ICE1: variants seen among roughly 807,000 people sequenced by gnomAD.
ICE1 encodes interactor of little elongation complex ELL subunit 1, also known as little elongation complex subunit 1.
ICE1 carries 64 observed loss-of-function variants against 192.7 expected under a neutral mutation model. The observed-to-expected ratio is 0.33, with a 90% confidence interval of 0.27 to 0.41. ICE1 has a LOEUF of 0.41. Ranked by LOEUF, ICE1 falls within the 10% of genes least tolerant of loss-of-function variation. ICE1 has a pLI of 1.00. For synonymous variants in ICE1, 1,010 were observed against 984.5 expected (o/e 1.03, Z -0.49); for missense variants, 2,708 against 2,696.0 (o/e 1.00, Z -0.10).
intron 14 of ICE1, 43 bp from the exon 15 acceptor site, chr5:5,468,785 G>T (rs765756603): frequency 3.4e-6 from 4 of 1,192,988 alleles, no homozygotes; most frequent in Admixed American, 3.1e-5. Flanking sequence ...TTATTTACTC[G>T]ATCATACATC....
intron 4 of ICE1, 89 bp from the exon 5 acceptor site, chr5:5,441,023 T>C: frequency 1.3e-6 from 1 of 780,598 alleles, no homozygotes; most frequent in Non-Finnish European, 2.0e-6. Context: ...TTGTTCCAAG[T>C]TAGCAATAAA....
In ICE1 at chr5:5,462,508, T is replaced by C. The variant is rs1738827236; in HGVS notation, c.3174T>C (p.Gly1058=). The part of the protein sequence containing the change: ...LWKLKSTTPG[G]ALPECFGTTD... ...AATTGAAATCTACAACTCCCGGTGG[T>C]GCTTTGCCTGAGTGTTTTGGCACCA... Residue 1058 remains glycine, a synonymous_variant, in exon 13 of 19, where the codon GGT becomes GGC. Coordinates refer to ENST00000296564, the MANE Select transcript of ICE1 (RefSeq NM_015325.3). 20 of 1,614,044 alleles carry C rather than the reference T, an allele frequency of 1.2e-5. No homozygotes were observed. In the East Asian group the frequency reaches 4.2e-4, roughly 34 times the overall value.
chr5:5,469,754 A>G (rs1282921735), intron 15 of ICE1, among the ~76,000 whole-genome samples: 1 of 152,182 alleles, frequency 6.6e-6, no homozygotes. Context: ...ACGTAAAGGA[A>G]AGAGCTTTTG....
Position 5,464,256 on chromosome 5 carries a change from C to T in ICE1, c.4922C>T (p.Ala1641Val). The T allele has an allele frequency of 6.2e-7, 1 of 1,613,620 alleles. No homozygotes were observed. The highest frequency in any genetic ancestry group is 8.5e-7 in the Non-Finnish European group (1 of 1,179,812). ...PLPPLLAPLI[A>V]TPPRTSQPLS... Reference sequence around the variant, plus strand: ...CCGCCTCTGCTTGCTCCTCTGATAGCTACACCTCCAAGGACTTCACAGCCA... The same window carrying T: ...CCGCCTCTGCTTGCTCCTCTGATAGTTACACCTCCAAGGACTTCACAGCCA... Residue 1641 changes from alanine to valine, a missense_variant, in exon 13 of 19, where the codon GCT (alanine) becomes GTT (valine). Ala to Val is a moderately conservative substitution (Grantham distance 64). This residue lies in a region of ICE1 where 2,366 missense variants were observed against 2,276.6 expected (regional missense o/e 1.04). Coordinates refer to ENST00000296564, the MANE Select transcript of ICE1 (RefSeq NM_015325.3). This position sits in a 1 kb window ranked among gnomAD's most constrained non-coding sequence, Gnocchi z 4.0.
chr5:5,433,185 T>C (rs1331249629), intron 1 of ICE1, among the ~76,000 whole-genome samples: 1 of 152,162 alleles, frequency 6.6e-6, no homozygotes, highest in Admixed American at 6.5e-5. Flanking sequence ...GCTTTTGACA[T>C]AGTACACCTG....
In ICE1 at chr5:5,464,892, G is replaced by A. The variant is rs1227116768; in HGVS notation, c.5558G>A (p.Gly1853Glu). The change falls in exon 13 of 19, where the codon GGG (glycine) becomes GAG (glutamate). Residue 1853 changes from glycine to glutamate, a missense_variant. By Grantham distance (98) the Gly-to-Glu change is moderately conservative. Around this residue, in one of 2 missense-constraint regions of ICE1, gnomAD observed 2,366 missense variants for 2,276.6 expected, o/e 1.04. Coordinates refer to ENST00000296564, the MANE Select transcript of ICE1 (RefSeq NM_015325.3). The surrounding 1 kb of genome is among the most constrained non-coding windows in gnomAD (Gnocchi z 4.0). The part of the protein sequence containing the change: ...RSAKRLRLDT[G>E]SPEPETRGVT... ...GCTAAAAGACTGCGCCTGGACACTG[G>A]GTCCCCAGAACCAGAAACCAGGGGA... 6.2e-7 allele frequency: 1 copy of A among 1,613,236 alleles called. No homozygotes were observed. The highest frequency in any genetic ancestry group is 1.7e-5 in the Admixed American group (1 of 59,938).
chr5:5,466,356 A>G lies in ICE1; in HGVS notation c.5915A>G (p.His1972Arg). The change falls in exon 14 of 19, where the codon CAC becomes CGC. Residue 1972 changes from histidine to arginine, a missense_variant. Transcript: ENST00000296564. ...CAGCATTTAGCAGAGTGCTTGCTTC[A>G]CTCTATTCTCTCAGAACTAAAAATT... is the stretch of plus-strand genomic sequence containing the variant. ...TKKHLAECLLHSILSELKIQK... is the reference protein window; with the variant it reads ...TKKHLAECLLRSILSELKIQK... 6.2e-7 allele frequency: 1 copy of G among 1,609,314 alleles called. No homozygotes were observed. The highest frequency in any genetic ancestry group is 8.5e-7 in the Non-Finnish European group (1 of 1,178,312).
intron 12 of ICE1, among the ~76,000 whole-genome samples, chr5:5,460,194 G>A (rs1738725106): frequency 6.6e-6 from 1 of 151,732 alleles, no homozygotes. Flanking sequence ...TTGGAAGCAT[G>A]TCTGTTATTG....
At chr5:5,482,082 A>G (rs1003664836) in intron 17 of ICE1, among the ~76,000 whole-genome samples, 2 of 152,258 alleles carry the variant, frequency 1.3e-5, no homozygotes, top group African/African-American at 4.8e-5. Context: ...ACTTTCAAAT[A>G]TGTACCTTAA....
In ICE1 at chr5:5,463,946, G is replaced by A; in HGVS notation, c.4612G>A (p.Asp1538Asn). ...CTTCGAGACTCAGATTGTTGCGTCT[G>A]ATCACACATATTATAACTCAAAACT... is the stretch of plus-strand genomic sequence containing the variant. ...QNFETQIVASDHTYYNSKLEP... is the reference protein window; with the variant it reads ...QNFETQIVASNHTYYNSKLEP... Residue 1538 changes from aspartate (D) to asparagine (N), a missense_variant, in exon 13 of 19, where the codon GAT (aspartate) becomes AAT (asparagine). Asp to Asn is a conservative substitution (Grantham distance 23). This residue lies in a region of ICE1 where 2,366 missense variants were observed against 2,276.6 expected (regional missense o/e 1.04). Transcript: ENST00000296564. 1 of 1,613,906 alleles carries A rather than the reference G, an allele frequency of 6.2e-7. No individual in the cohort carries two copies. The highest frequency in any genetic ancestry group is 1.7e-5 in the Admixed American group (1 of 60,014).
In ICE1 at chr5:5,422,914, C is replaced by T. The variant is rs1309989695; in HGVS notation, c.-2C>T. 2.1e-6 allele frequency: 3 copies of T among 1,404,308 alleles called. No homozygotes were observed. The highest frequency in any genetic ancestry group is 3.0e-5 in the South Asian group (2 of 66,468). 87.0% of individuals were successfully genotyped at this position (1,404,308 alleles called of 1,614,324 possible). A position where few individuals can be genotyped will look rare whatever the true frequency, so the allele number is the denominator to read the frequency against. On this transcript the variant is annotated 5_prime_UTR_variant, in exon 1 of 19. Coordinates refer to ENST00000296564, the MANE Select transcript of ICE1 (RefSeq NM_015325.3). ...GTGCCCACCGGGCCCGGCGGCGGCA[C>T]CATGATGCCGGGCGAGACCCATTCG...
Position 5,476,063 on chromosome 5 carries a change from A to G in ICE1, c.6504A>G (p.Ser2168=). The change falls in exon 17 of 19, where the codon TCA becomes TCG. Residue 2168 remains serine (S), a synonymous_variant. Coordinates refer to ENST00000296564, the MANE Select transcript of ICE1 (RefSeq NM_015325.3). ...IAYTPDIIIA[S]ILRLIGRLGQ... ...ATACTCCTGATATTATTATAGCCTC[A>G]ATACTGAGGCTGATTGGTAAGTTGT... is the stretch of plus-strand genomic sequence containing the variant. 1 of 1,583,200 alleles carries G rather than the reference A, an allele frequency of 6.3e-7. No homozygotes were observed. The highest frequency in any genetic ancestry group is 8.6e-7 in the Non-Finnish European group (1 of 1,161,858).
intron 5 of ICE1, among the ~76,000 whole-genome samples, chr5:5,442,286 G>A (rs137859528): frequency 6.6e-6 from 1 of 152,302 alleles, no homozygotes; most frequent in African/African-American, 2.4e-5. Flanking sequence ...GCTTCTCACG[G>A]TAGTGTTTGT....
intron 1 of ICE1, among the ~76,000 whole-genome samples, chr5:5,426,597 A>G (rs1318938053): frequency 6.6e-6 from 1 of 152,198 alleles, no homozygotes; most frequent in Non-Finnish European, 1.5e-5. Context: ...ACGGAAAACC[A>G]ACTAGCTGAT....
chr5:5,456,214 T>C (rs1388418462), intron 11 of ICE1, among the ~76,000 whole-genome samples: 1 of 152,198 alleles, frequency 6.6e-6, no homozygotes, highest in East Asian at 1.9e-4. Flanking sequence ...CTGCAAGTTT[T>C]TATGTTGTAA....
At chr5:5,456,602 T>G (rs1054564335) in intron 11 of ICE1, among the ~76,000 whole-genome samples, 1 of 152,190 alleles carries the variant, frequency 6.6e-6, no homozygotes, top group Non-Finnish European at 1.5e-5. Flanking sequence ...TTGAGTTGTT[T>G]ACTTCTGGTA....
In ICE1 at chr5:5,476,077, T is replaced by A; in HGVS notation, c.6518T>A (p.Ile2173Asn). 1 of 1,523,508 alleles carries A rather than the reference T, an allele frequency of 6.6e-7. No homozygotes were observed. The highest frequency in any genetic ancestry group is 9.0e-7 in the Non-Finnish European group (1 of 1,115,042). The allele number at this position is 1,523,508 out of a possible 1,614,324, so 94.4% of individuals were successfully genotyped here. ...ATTATAGCCTCAATACTGAGGCTGA[T>A]TGGTAAGTTGTCTGTTTTATTATTG... ...DIIIASILRL[I>N]GRLGQLGLKE... The change falls in exon 17 of 19, where the codon ATT (isoleucine) becomes AAT (asparagine). Residue 2173 changes from isoleucine to asparagine, a missense_variant and splice_region_variant. Physicochemically the swap from Ile to Asn is moderately radical, Grantham distance 149 (BLOSUM62 -3). Coordinates refer to ENST00000296564, the MANE Select transcript of ICE1 (RefSeq NM_015325.3).
intron 1 of ICE1, among the ~76,000 whole-genome samples, chr5:5,424,676 A>G (rs533061003): frequency 1.1e-4 from 16 of 152,342 alleles, no homozygotes; most frequent in Middle Eastern, 6.8e-3. Context: ...GGACTAGGCC[A>G]GTGGCTGTTG....
At chr5:5,474,233 T>A (rs1739249212) in intron 16 of ICE1, among the ~76,000 whole-genome samples, 1 of 147,582 alleles carries the variant, frequency 6.8e-6, no homozygotes. Context: ...AGAAAAAAAA[T>A]GCTACCTTCA....
Sources: gnomAD v4.1 joint callset for allele counts (sites outside exome capture counted in the v4.1 genomes callset) on GRCh38, gnomAD v4.1.1 for gene constraint, gnomAD v4.1.1 regional missense constraint, Gnocchi (gnomAD v3.1) non-coding constraint, MANE v1.5 for transcripts, NCBI Gene and HGNC (gene_info 2026-07-23, HGNC 2026-07-21) for gene names.